FTO: variants seen among roughly 807,000 people sequenced by gnomAD.
The protein encoded by FTO is FTO alpha-ketoglutarate dependent dioxygenase.
FTO carries 47 observed loss-of-function variants against 63.9 expected under a neutral mutation model. The observed-to-expected ratio is 0.74, with a 90% CI of 0.58 to 0.94. The LOEUF (loss-of-function observed/expected upper bound fraction) is 0.94, where lower values mean the gene tolerates loss of function less well. FTO is among the 40% of genes least tolerant of loss of function. FTO has a pLI of 0.00. For synonymous variants in FTO, 207 were observed against 224.4 expected, an observed-to-expected ratio of 0.92 and a Z score of 0.69; for missense variants, 562 against 618.1, an observed-to-expected ratio of 0.91 and a Z score of 0.96.
chr16:53,974,700 G>A (rs1237623256), intron 8 of FTO, among the ~76,000 whole-genome samples: 3 of 152,186 alleles, frequency 2.0e-5, no homozygotes, highest in Non-Finnish European at 4.4e-5. Context: ...CCTTGTCACT[G>A]ACATTTTGTG....
intron 6 of FTO, 45 bp downstream of exon 6, chr16:53,880,032 T>C: frequency 6.8e-7 from 1 of 1,471,480 alleles, no homozygotes; most frequent in Non-Finnish European, 9.4e-7. Flanking sequence ...TCTCGCTCTG[T>C]CACCCAGGCT....
intron 8 of FTO, among the ~76,000 whole-genome samples, chr16:54,023,033 A>G (rs1164514246): frequency 1.3e-5 from 2 of 152,192 alleles, no homozygotes; most frequent in Non-Finnish European, 2.9e-5. Flanking sequence ...ATGAAAACAA[A>G]TGTATGTCAT....
intron 2 of FTO, among the ~76,000 whole-genome samples, chr16:53,816,246 T>C (rs887927121): frequency 5.3e-5 from 8 of 152,198 alleles, no homozygotes; most frequent in African/African-American, 1.9e-4. Flanking sequence ...CTCTGCTTCT[T>C]ACACCGTGGC....
intron 3 of FTO, among the ~76,000 whole-genome samples, chr16:53,836,296 A>C (rs2079291156): frequency 6.6e-6 from 1 of 152,204 alleles, no homozygotes; most frequent in Admixed American, 6.5e-5. Context: ...TCAAGAAATG[A>C]AACATATCAG....
intron 1 of FTO, among the ~76,000 whole-genome samples, chr16:53,757,820 G>A (rs1486858894): frequency 6.6e-6 from 1 of 151,992 alleles, no homozygotes; most frequent in Non-Finnish European, 1.5e-5. Flanking sequence ...CTGAAAACTG[G>A]CATATGACTC....
intron 1 of FTO, among the ~76,000 whole-genome samples, chr16:53,745,354 T>C (rs776783321): frequency 3.3e-5 from 5 of 152,176 alleles, no homozygotes; most frequent in Admixed American, 6.5e-5. Flanking sequence ...GGCTACCCAC[T>C]CCACATACCT....
At chr16:54,015,400 G>A (rs915366125) in intron 8 of FTO, among the ~76,000 whole-genome samples, 2 of 152,158 alleles carry the variant, frequency 1.3e-5, no homozygotes, top group African/African-American at 4.8e-5. Flanking sequence ...AATTGTAAGA[G>A]TTGAAGTAGC....
At chr16:53,997,737 A>G (rs188859722) in intron 8 of FTO, among the ~76,000 whole-genome samples, 1 of 152,008 alleles carries the variant, frequency 6.6e-6, no homozygotes. Flanking sequence ...GCTGATGGCT[A>G]CAAATGTGTC....
At chr16:53,844,071 C>G in intron 3 of FTO, 84 bp from the exon 4 acceptor site, 1 of 1,028,458 alleles carries the variant, frequency 9.7e-7, no homozygotes, top group Non-Finnish European at 1.5e-6. Flanking sequence ...ATTAAAATAT[C>G]AATTCTTTCT....
chr16:53,759,784 C>T (rs1193366852), intron 1 of FTO, among the ~76,000 whole-genome samples: 2 of 151,638 alleles, frequency 1.3e-5, no homozygotes, highest in Non-Finnish European at 2.9e-5. Context: ...CAAAAGAGCC[C>T]AGTGACCGCC....
chr16:54,090,654 A>G (rs1409920233), intron 8 of FTO, among the ~76,000 whole-genome samples: 2 of 152,224 alleles, frequency 1.3e-5, no homozygotes, highest in African/African-American at 4.8e-5. Context: ...GGAAAACGCT[A>G]TTTCAGTTAT....
intron 1 of FTO, among the ~76,000 whole-genome samples, chr16:53,717,696 G>A (rs2075927865): frequency 6.6e-6 from 1 of 151,944 alleles, no homozygotes; most frequent in South Asian, 2.1e-4. Flanking sequence ...TTTTTTTCAT[G>A]TAATTGTTAA....
rs148760500 is a variant in FTO at position 54,014,989 on chromosome 16, A to G, written c.1364+80880A>G. Among the ~76,000 whole-genome samples, 1,127 of 150,666 alleles carry G rather than the reference A, an allele frequency of 7.5e-3. 19 individuals are homozygous for G. Among genetic ancestry groups the G allele is most frequent in the African/African-American group, 0.026 (1,058 of 40,976 alleles). On this transcript the variant is annotated intron_variant, in intron 8 of 8. Transcript: ENST00000471389. Reference sequence around the variant, plus strand: ...TCCTGCCTCAGCCTCTCAAGTAGCTAGGACTATAGGTACACACCACTGCAC... The same window carrying G: ...TCCTGCCTCAGCCTCTCAAGTAGCTGGGACTATAGGTACACACCACTGCAC...
intron 4 of FTO, among the ~76,000 whole-genome samples, chr16:53,847,177 G>A (rs995333118): frequency 2.2e-4 from 34 of 152,140 alleles, no homozygotes; most frequent in African/African-American, 7.7e-4. Flanking sequence ...TTACTTAACC[G>A]TGGCTGCACA....
intron 3 of FTO, among the ~76,000 whole-genome samples, chr16:53,833,034 G>A (rs1399022617): frequency 6.6e-6 from 1 of 152,178 alleles, no homozygotes; most frequent in Non-Finnish European, 1.5e-5. Context: ...CGCACATGTT[G>A]TGGGAGGGAC....
chr16:53,783,604 TAAAAAA>T (rs753810468), intron 1 of FTO, among the ~76,000 whole-genome samples: 6 of 68,134 alleles, frequency 8.8e-5, no homozygotes, highest in South Asian at 6.4e-4. Flanking sequence ...CAAGACTCCA[TAAAAAA>T]AAAAAAAAAA....
At chr16:53,923,672 T>G (rs913782815) in intron 7 of FTO, among the ~76,000 whole-genome samples, 1 of 150,936 alleles carries the variant, frequency 6.6e-6, no homozygotes, top group Non-Finnish European at 1.5e-5. Flanking sequence ...CCACTTTTTC[T>G]TTCTTTCTAT....
intron 6 of FTO, among the ~76,000 whole-genome samples, chr16:53,881,859 T>C (rs1319560679): frequency 6.6e-6 from 1 of 152,186 alleles, no homozygotes. Flanking sequence ...AGAAAAAGTA[T>C]CCAGAAAAAT....
At chr16:53,863,642 G>A (rs367944465) in intron 4 of FTO, among the ~76,000 whole-genome samples, 1 of 152,194 alleles carries the variant, frequency 6.6e-6, no homozygotes. Context: ...GAGTATCACA[G>A]GTTATGTGCA....
Sources: allele counts gnomAD v4.1 joint callset (sites outside exome capture counted in the v4.1 genomes callset), GRCh38; gene constraint gnomAD v4.1.1; transcripts MANE v1.5; gene names NCBI Gene and HGNC (gene_info 2026-07-23, HGNC 2026-07-21).